The following RPS6KC1 variants were observed in gnomAD, a reference collection of about 807,000 sequenced individuals.
The protein encoded by RPS6KC1 is inactive ribosomal protein S6 kinase delta-1.
A neutral mutation model predicts 103.8 loss-of-function variants in RPS6KC1; 54 were observed. That is an observed-to-expected ratio of 0.52 (90% CI 0.42 to 0.65). The LOEUF (loss-of-function observed/expected upper bound fraction) is 0.65. RPS6KC1 is among the 30% of genes least tolerant of loss of function. RPS6KC1 has a pLI of 0.00. For synonymous variants in RPS6KC1, 439 were observed against 438.7 expected, an observed-to-expected ratio of 1.00 and a Z score of -0.01; for missense variants, 1,151 against 1,253.8, an observed-to-expected ratio of 0.92 and a Z score of 1.24.
chr1:213,132,270 G>T (rs1191879121), intron 6 of RPS6KC1, among the ~76,000 whole-genome samples: 1 of 152,098 alleles, frequency 6.6e-6, no homozygotes, highest in South Asian at 2.1e-4. Context: ...GCTCTGGATT[G>T]GTTTCTGTTA....
chr1:213,398,266 G>C, the RPS6KC1 span, among the ~76,000 whole-genome samples: 1 of 133,138 alleles, frequency 7.5e-6, no homozygotes, highest in African/African-American at 2.9e-5. Context: ...GGCTGGTCTT[G>C]AACTCCTGAT....
chr1:213,354,303 G>C, the RPS6KC1 span, among the ~76,000 whole-genome samples: 1 of 152,196 alleles, frequency 6.6e-6, no homozygotes, highest in African/African-American at 2.4e-5. Flanking sequence ...TTGTCTGAGT[G>C]CTCATAGGTG....
rs2094354386 is a variant in RPS6KC1 at position 213,241,599 on chromosome 1, T to C, written c.2123T>C (p.Met708Thr). The C allele has an allele frequency of 1.2e-6, 2 of 1,613,826 alleles. No individual in the cohort carries two copies. The highest frequency in any genetic ancestry group is 1.7e-6 in the Non-Finnish European group (2 of 1,179,952). The part of the protein sequence containing the change: ...ELESTREAAA[M>T]GPTKFTQTNI... Reference sequence around the variant, plus strand: ...GAGTCAACAAGAGAAGCTGCAGCAATGGGACCTACTAAGTTTACACAAACT... The same window carrying C: ...GAGTCAACAAGAGAAGCTGCAGCAACGGGACCTACTAAGTTTACACAAACT... The change falls in exon 11 of 15, where the codon ATG becomes ACG. Residue 708 changes from methionine to threonine, a missense_variant. Met to Thr is a moderately conservative substitution (Grantham distance 81, BLOSUM62 -1). Around this residue, in one of 3 missense-constraint regions of RPS6KC1, gnomAD observed 959 missense variants for 1,006.3 expected, o/e 0.95. Coordinates refer to ENST00000366960, the MANE Select transcript of RPS6KC1 (RefSeq NM_012424.6).
the RPS6KC1 span, among the ~76,000 whole-genome samples, chr1:213,577,105 G>A: frequency 8.6e-5 from 13 of 151,666 alleles, no homozygotes; most frequent in African/African-American, 1.5e-4. Flanking sequence ...CCTGCATGTC[G>A]TGGGAGGGAC....
intron 8 of RPS6KC1, among the ~76,000 whole-genome samples, chr1:213,229,531 C>G (rs1046733804): frequency 1.3e-5 from 2 of 152,214 alleles, no homozygotes; most frequent in African/African-American, 4.8e-5. Context: ...GTAACAGAGA[C>G]TGCATAGGCC....
At chr1:213,403,776 G>T in the RPS6KC1 span, among the ~76,000 whole-genome samples, 3 of 152,014 alleles carry the variant, frequency 2.0e-5, no homozygotes, top group Non-Finnish European at 4.4e-5. Flanking sequence ...GGGAAAAGGG[G>T]TAGTTCTATC....
At chr1:213,694,654 A>C in the RPS6KC1 span, among the ~76,000 whole-genome samples, 1 of 152,132 alleles carries the variant, frequency 6.6e-6, no homozygotes, top group Non-Finnish European at 1.5e-5. Flanking sequence ...TCCCGGTGCA[A>C]ATTCTATATC....
At chr1:213,467,019 T>C in the RPS6KC1 span, among the ~76,000 whole-genome samples, 121 of 152,272 alleles carry the variant, frequency 7.9e-4, no homozygotes, top group Middle Eastern at 3.4e-3. Flanking sequence ...CAATCTTTTT[T>C]TTTTTTTAAC....
chr1:213,498,772 A>AT, the RPS6KC1 span, among the ~76,000 whole-genome samples: 421 of 112,038 alleles, frequency 3.8e-3, 1 homozygote, highest in Admixed American at 5.0e-3. Context: ...GTTTTCTAAG[A>AT]TTTTTTTTTT....
the RPS6KC1 span, among the ~76,000 whole-genome samples, chr1:213,766,570 G>T: frequency 6.6e-6 from 1 of 152,156 alleles, no homozygotes; most frequent in African/African-American, 2.4e-5. Flanking sequence ...TCTTTTTCCT[G>T]TTCTTCTCAA....
the RPS6KC1 span, among the ~76,000 whole-genome samples, chr1:213,713,766 A>G: frequency 0.39 from 59,281 of 152,122 alleles, 12,358 homozygotes; most frequent in East Asian, 0.58. Flanking sequence ...TGAACCAAGC[A>G]GATGCAGAAG....
chr1:213,150,901 C>T (rs949180944), intron 6 of RPS6KC1, among the ~76,000 whole-genome samples: 11 of 151,728 alleles, frequency 7.2e-5, no homozygotes, highest in Non-Finnish European at 8.8e-5. Context: ...CGGGCAGAGG[C>T]GCCCCTCACC....
In RPS6KC1 at chr1:213,153,204, G is replaced by A. The variant is rs2089443899; in HGVS notation, c.836-14654G>A. On this transcript the variant is annotated intron_variant, in intron 6 of 14. Transcript: ENST00000366960. ...GTACAGTCTAGCTTCGGCTCAGCAT[G>A]AGAGGGAGACCGTGGAAAGAGAGGG... Among the ~76,000 whole-genome samples the A allele has an allele frequency of 2.6e-5, 4 of 151,950 alleles. No individual in the cohort carries two copies. In the South Asian group the frequency reaches 8.3e-4, roughly 32 times the overall value.
At chr1:213,554,254 T>A in the RPS6KC1 span, among the ~76,000 whole-genome samples, 2 of 152,202 alleles carry the variant, frequency 1.3e-5, no homozygotes, top group East Asian at 3.8e-4. Flanking sequence ...GCTAACCAGC[T>A]CTCCCAGCAC....
the RPS6KC1 span, among the ~76,000 whole-genome samples, chr1:213,348,911 CTTGAA>C: frequency 6.6e-6 from 1 of 152,094 alleles, no homozygotes; most frequent in Non-Finnish European, 1.5e-5. Flanking sequence ...ATAAGTGCTC[CTTGAA>C]TTGAATGAAT....
chr1:213,265,797 A>C (rs1008364422), intron 14 of RPS6KC1, among the ~76,000 whole-genome samples: 1 of 152,206 alleles, frequency 6.6e-6, no homozygotes, highest in African/African-American at 2.4e-5. Flanking sequence ...ATTTGGTAAT[A>C]CCCAAGTGAA....
At chr1:213,388,645 C>T in the RPS6KC1 span, among the ~76,000 whole-genome samples, 1 of 152,156 alleles carries the variant, frequency 6.6e-6, no homozygotes, top group African/African-American at 2.4e-5. Flanking sequence ...GGACTTTGGC[C>T]ATCTCCTCAT....
chr1:213,220,863 C>G (rs770034499), intron 8 of RPS6KC1, among the ~76,000 whole-genome samples: 29 of 152,082 alleles, frequency 1.9e-4, no homozygotes, highest in Non-Finnish European at 3.8e-4. Flanking sequence ...TTAAAAGACA[C>G]CACAGTATTT....
the RPS6KC1 span, among the ~76,000 whole-genome samples, chr1:213,538,483 G>A: frequency 6.6e-6 from 1 of 152,122 alleles, no homozygotes; most frequent in African/African-American, 2.4e-5. Flanking sequence ...TGGTGTGTGT[G>A]GTGGTGAAGA....
Sources: gnomAD v4.1 joint callset for allele counts (sites outside exome capture counted in the v4.1 genomes callset) on GRCh38, gnomAD v4.1.1 for gene constraint, gnomAD v4.1.1 regional missense constraint, MANE v1.5 for transcripts, NCBI Gene and HGNC (gene_info 2026-07-23, HGNC 2026-07-21) for gene names.